The following PKIB variants were observed in gnomAD, a reference collection of about 807,000 sequenced individuals.
PKIB encodes the protein cAMP-dependent protein kinase inhibitor beta.
Under a neutral mutation model 4.5 loss-of-function variants are expected in PKIB, and 2 were observed. The observed-to-expected ratio is 0.44, with a 90% CI of 0.18 to 1.39. The LOEUF is 1.39. Among genes scored for constraint, PKIB ranks in the 40% most tolerant of loss-of-function variants. PKIB has a pLI of 0.27. For synonymous variants in PKIB, 38 were observed against 36.0 expected (o/e 1.06, Z -0.20); for missense variants, 94 against 92.6 (o/e 1.02, Z -0.06).
chr6:122,577,635 C>T (rs1054602124), intron 2 of PKIB, among the ~76,000 whole-genome samples: 3 of 152,090 alleles, frequency 2.0e-5, no homozygotes, highest in Admixed American at 6.5e-5. Context: ...TTGGGCCGGG[C>T]GCTGTGGCTC....
intron 1 of PKIB, among the ~76,000 whole-genome samples, chr6:122,476,446 C>G (rs1010382522): frequency 6.6e-6 from 1 of 152,070 alleles, no homozygotes; most frequent in East Asian, 1.9e-4. Context: ...GATACAGTGT[C>G]AAATGTACAA....
chr6:122,599,649 G>A (rs1461206339), intron 3 of PKIB, among the ~76,000 whole-genome samples: 1 of 152,146 alleles, frequency 6.6e-6, no homozygotes, highest in Non-Finnish European at 1.5e-5. Context: ...GCTTCATTAT[G>A]TTCCTTGGTT....
rs574329591 is a variant in PKIB at position 122,685,314 on chromosome 6, T to C, written c.-9+10170T>C. Among the ~76,000 whole-genome samples the C allele has an allele frequency of 3.9e-5, 6 of 152,220 alleles. No individual in the cohort carries two copies. The East Asian group carries it at 1.2e-3, about 29-fold the overall frequency. ...ACCCAATTTGTATTTCCCAGATAAA[T>C]CTCAAGGCAAGTTTTAAAAAGAATT... is the stretch of plus-strand genomic sequence containing the variant. On this transcript the variant is annotated intron_variant, in intron 3 of 4. Coordinates refer to ENST00000368452, the MANE Select transcript of PKIB (RefSeq NM_181795.3).
At chr6:122,679,270 G>C (rs1221146439) in intron 3 of PKIB, among the ~76,000 whole-genome samples, 1 of 152,206 alleles carries the variant, frequency 6.6e-6, no homozygotes, top group African/African-American at 2.4e-5. Flanking sequence ...CTGAATGGAG[G>C]GTAGTTTATT....
chr6:122,586,453 TC>T (rs1176028874), intron 3 of PKIB, among the ~76,000 whole-genome samples: 37 of 152,298 alleles, frequency 2.4e-4, no homozygotes, highest in African/African-American at 8.4e-4. Flanking sequence ...CATGTTTTTG[TC>T]CTCATATAGT....
intron 2 of PKIB, among the ~76,000 whole-genome samples, chr6:122,553,478 C>CTTTTTTTTT (rs1562249215): frequency 8.2e-5 from 4 of 48,928 alleles, no homozygotes; most frequent in African/African-American, 1.2e-4. Flanking sequence ...GCTCAAATAT[C>CTTTTTTTTT]TTCTTTTTTT....
At position 122,505,396 on chromosome 6, in the gene PKIB, T is replaced by C. The variant is rs117562727; in HGVS notation, c.-248+27457T>C. 2.2e-3 allele frequency among the ~76,000 whole-genome samples: 337 copies of C among 152,322 alleles called. 8 individuals are homozygous for C. The East Asian group carries it at 0.044, about 20-fold the overall frequency. On this transcript the variant is annotated intron_variant, in intron 2 of 6. Transcript: ENST00000392491. Reference sequence around the variant, plus strand: ...CACCCCACAAGCCCTTTTCCCAACATGTCCCCCTTTTTTCTTTTTTAAAAC... The same window carrying C: ...CACCCCACAAGCCCTTTTCCCAACACGTCCCCCTTTTTTCTTTTTTAAAAC...
intron 4 of PKIB, 147 bp downstream of exon 4, chr6:122,718,110 G>A: frequency 1.3e-6 from 1 of 783,228 alleles, no homozygotes; most frequent in Non-Finnish European, 2.0e-6. Flanking sequence ...TTAAGGCTTA[G>A]TAGATGTTCA....
chr6:122,498,130 A>G (rs558560695), intron 2 of PKIB, among the ~76,000 whole-genome samples: 19 of 152,334 alleles, frequency 1.2e-4, no homozygotes, highest in Admixed American at 1.0e-3. Flanking sequence ...ATCTGTTTTT[A>G]TGCTGCTGAT....
intron 2 of PKIB, among the ~76,000 whole-genome samples, chr6:122,487,776 A>T (rs1450837497): frequency 1.3e-5 from 2 of 152,100 alleles, no homozygotes; most frequent in Non-Finnish European, 2.9e-5. Flanking sequence ...TTTATACGCT[A>T]CCCAATTTAA....
At chr6:122,521,919 A>G (rs1776958290) in intron 2 of PKIB, among the ~76,000 whole-genome samples, 1 of 152,108 alleles carries the variant, frequency 6.6e-6, no homozygotes, top group Non-Finnish European at 1.5e-5. Flanking sequence ...GCTGGCCACT[A>G]CGGTCCTCAT....
chr6:122,681,889 G>A (rs753805138), intron 3 of PKIB, among the ~76,000 whole-genome samples: 2 of 152,286 alleles, frequency 1.3e-5, no homozygotes, highest in East Asian at 1.9e-4. Context: ...GAAAGCATGC[G>A]CTAATGTGTC....
At chr6:122,719,872 AT>A (rs1386944675) in intron 4 of PKIB, among the ~76,000 whole-genome samples, 1 of 152,118 alleles carries the variant, frequency 6.6e-6, no homozygotes, top group African/African-American at 2.4e-5. Flanking sequence ...AATATATATA[AT>A]TTTTATTTGT....
At chr6:122,699,008 A>C (rs1778688920) in intron 3 of PKIB, among the ~76,000 whole-genome samples, 1 of 152,100 alleles carries the variant, frequency 6.6e-6, no homozygotes, top group Non-Finnish European at 1.5e-5. Context: ...TTCTTAATGA[A>C]TACGTCAAAC....
At chr6:122,515,332 T>A (rs1315171176) in intron 2 of PKIB, among the ~76,000 whole-genome samples, 1 of 152,198 alleles carries the variant, frequency 6.6e-6, no homozygotes, top group Non-Finnish European at 1.5e-5. Context: ...GAGTTGTCAC[T>A]TGCAAAGAAT....
chr6:122,596,450 T>C (rs1774181184), intron 3 of PKIB, among the ~76,000 whole-genome samples: 1 of 152,168 alleles, frequency 6.6e-6, no homozygotes, highest in Admixed American at 6.5e-5. Flanking sequence ...ATCACGTATA[T>C]ACCACTTCCA....
chr6:122,528,127 C>T (rs2114612041), intron 2 of PKIB, among the ~76,000 whole-genome samples: 1 of 152,186 alleles, frequency 6.6e-6, no homozygotes, highest in African/African-American at 2.4e-5. Flanking sequence ...TCTAAATGCC[C>T]TTCTTAGTCT....
chr6:122,522,466 C>CA (rs986484453), intron 2 of PKIB, among the ~76,000 whole-genome samples: 12 of 152,012 alleles, frequency 7.9e-5, no homozygotes, highest in African/African-American at 2.7e-4. Flanking sequence ...CAAAAAACAA[C>CA]AAAAAAACTC....
intron 3 of PKIB, among the ~76,000 whole-genome samples, chr6:122,596,577 T>C (rs1582723616): frequency 6.6e-6 from 1 of 152,334 alleles, no homozygotes; most frequent in East Asian, 1.9e-4. Flanking sequence ...GGTGACTTCA[T>C]GACCCATAGT....
Sources: allele counts gnomAD v4.1 joint callset (sites outside exome capture counted in the v4.1 genomes callset), GRCh38; gene constraint gnomAD v4.1.1; transcripts MANE v1.5; gene names NCBI Gene and HGNC (gene_info 2026-07-23, HGNC 2026-07-21).